The following ESPN variants were observed in gnomAD, a reference collection of about 807,000 sequenced individuals.
ESPN encodes espin.
In ESPN, 68 loss-of-function variants were observed where a neutral mutation model predicts 77.7. The ratio of observed to expected loss-of-function variants is 0.87; its 90% CI spans 0.72 to 1.07. The LOEUF (loss-of-function observed/expected upper bound fraction) is 1.07. Ranked by LOEUF, ESPN falls within the 50% of genes least tolerant of loss-of-function variation. The pLI is 0.00. For synonymous variants in ESPN, 449 were observed against 567.1 expected (o/e 0.79, Z 2.96); for missense variants, 1,060 against 1,239.0 (o/e 0.86, Z 2.17).
intron 2 of ESPN, among the ~76,000 whole-genome samples, chr1:6,429,645 G>A (rs182910266): frequency 4.9e-4 from 75 of 152,352 alleles, no homozygotes; most frequent in African/African-American, 1.6e-3. Flanking sequence ...ACTGGAGGAC[G>A]CTGAGCCCAC....
chr1:6,454,964 C>A, intron 10 of ESPN: 1 of 381,880 alleles, frequency 2.6e-6, no homozygotes, highest in Non-Finnish European at 4.6e-6. Flanking sequence ...TGCAGCATCT[C>A]CGCGCCACCT....
At chr1:6,446,297 C>T (rs1643836996) in intron 7 of ESPN, among the ~76,000 whole-genome samples, 1 of 152,158 alleles carries the variant, frequency 6.6e-6, no homozygotes, top group African/African-American at 2.4e-5. Flanking sequence ...GCCCCCCCAC[C>T]CCCACAGCCC....
At position 6,440,990 on chromosome 1, in the gene ESPN, G is replaced by A. The variant is rs1643617161; in HGVS notation, c.915G>A (p.Gly305=). ...AGCTGGACGTCCGCGACCGCGACGG[G>A]TACACGGCCGCCGACCTGTCGGACT... is the stretch of plus-strand genomic sequence containing the variant. ...GAELDVRDRD[G]YTAADLSDFN... The change falls in exon 5 of 13, where the codon GGG becomes GGA. Residue 305 remains glycine, a synonymous_variant. Coordinates refer to ENST00000645284, the MANE Select transcript of ESPN (RefSeq NM_031475.3). 5 of 1,608,474 alleles carry A rather than the reference G, an allele frequency of 3.1e-6. No individual in the cohort carries two copies. Among genetic ancestry groups the A allele is most frequent in the Admixed American group, 1.7e-5 (1 of 59,588 alleles).
chr1:6,445,146 A>AT (rs953407287), intron 6 of ESPN, among the ~76,000 whole-genome samples: 1 of 152,194 alleles, frequency 6.6e-6, no homozygotes, highest in African/African-American at 2.4e-5. Context: ...ATGCACACAC[A>AT]TTCATCAGTA....
In ESPN at chr1:6,460,156, A is replaced by T. The variant is rs773552273; in HGVS notation, c.*10A>T. 6.2e-7 allele frequency: 1 copy of T among 1,606,232 alleles called. No homozygotes were observed. The highest frequency in any genetic ancestry group is 1.1e-5 in the South Asian group (1 of 90,816). ...CATCGCTAAGTACTAGAGGCCGCAG[A>T]CTCCTGTCCGCAGCCTCGCAGCTCC... On this transcript the variant is annotated 3_prime_UTR_variant, in exon 13 of 13. Transcript: ENST00000645284.
At chr1:6,456,858 A>G (rs1345449970) in intron 10 of ESPN, among the ~76,000 whole-genome samples, 1 of 152,198 alleles carries the variant, frequency 6.6e-6, no homozygotes, top group Admixed American at 6.5e-5. Context: ...GCGTCTGCCC[A>G]GAGGTCTTGG....
chr1:6,455,476 T>G (rs1439327732), intron 10 of ESPN: 1 of 397,266 alleles, frequency 2.5e-6, no homozygotes, highest in Non-Finnish European at 4.4e-6. Context: ...CTGCGGCAGC[T>G]GCTGAGGCAG....
In ESPN at chr1:6,449,111, G is replaced by A. The variant is rs775960755; in HGVS notation, c.1915+20G>A. 420 of 1,460,360 alleles carry A rather than the reference G, an allele frequency of 2.9e-4. 4 individuals are homozygous for A. The highest frequency in any genetic ancestry group is 1.2e-4 in the Non-Finnish European group (139 of 1,114,266). The allele number at this position is 1,460,360 out of a possible 1,614,324, so 90.5% of individuals were successfully genotyped here. ...CCGGCAGTGAGTAGGGGCAGGTTGA[G>A]GGGCGTGGGGCGGCGCTAGCCCTGA... On this transcript the variant is annotated intron_variant, in intron 8 of 12. Coordinates refer to ENST00000645284, the MANE Select transcript of ESPN (RefSeq NM_031475.3).
chr1:6,461,215 G>C, downstream of ESPN: 1 of 730,660 alleles, frequency 1.4e-6, no homozygotes, highest in Non-Finnish European at 2.5e-6. The surrounding 1 kb of genome is among the most constrained non-coding windows in gnomAD (Gnocchi z 6.3). Flanking sequence ...CTCCGGCCGA[G>C]AAGTTGAGAA....
intron 10 of ESPN, among the ~76,000 whole-genome samples, chr1:6,453,441 G>A (rs1293525105): frequency 2.0e-5 from 3 of 152,388 alleles, no homozygotes; most frequent in Admixed American, 1.3e-4. Flanking sequence ...GGGCTGGGGG[G>A]CGTGTTAGGG....
chr1:6,450,073 G>A lies in ESPN; in HGVS notation c.1915+982G>A, dbSNP rs1334298096. ...CTCCTTCTTCCCTCCACAGCCTGCA[G>A]CAGGGCTGAAGCTAAGGGCAGAGAA... On this transcript the variant is annotated intron_variant, in intron 8 of 12. Coordinates refer to ENST00000645284, the MANE Select transcript of ESPN (RefSeq NM_031475.3). The surrounding 1 kb of genome is among the most constrained non-coding windows in gnomAD (Gnocchi z 4.3). 6.6e-6 allele frequency among the ~76,000 whole-genome samples: 1 copy of A among 152,188 alleles called. No individual in the cohort carries two copies. The highest frequency in any genetic ancestry group is 1.5e-5 in the Non-Finnish European group (1 of 68,032).
At chr1:6,455,030 G>T (rs945875309) in intron 10 of ESPN, 6 of 378,338 alleles carry the variant, frequency 1.6e-5, no homozygotes, top group Non-Finnish European at 2.8e-5. Context: ...GCAAGCCCCC[G>T]CAGTCCGCTG....
intron 2 of ESPN, among the ~76,000 whole-genome samples, chr1:6,436,951 G>C (rs541043301): frequency 6.6e-6 from 1 of 152,032 alleles, no homozygotes; most frequent in African/African-American, 2.4e-5. Flanking sequence ...TCTGCCCCAT[G>C]TTCTGGGGTA....
chr1:6,449,613 T>G (rs1354799018), intron 8 of ESPN, among the ~76,000 whole-genome samples: 1 of 152,178 alleles, frequency 6.6e-6, no homozygotes, highest in Non-Finnish European at 1.5e-5. Context: ...GAAGTCTTCT[T>G]AGATATGCCA....
chr1:6,446,028 T>C (rs369746115), intron 7 of ESPN, 93 bp downstream of exon 7: 34 of 1,308,934 alleles, frequency 2.6e-5, no homozygotes, highest in South Asian at 6.3e-5. Flanking sequence ...CTAGTGGGCA[T>C]AGGGTGGGGA....
chr1:6,433,291 A>G (rs1643318380), intron 2 of ESPN, among the ~76,000 whole-genome samples: 1 of 149,768 alleles, frequency 6.7e-6, no homozygotes, highest in African/African-American at 2.5e-5. Flanking sequence ...AAAAAATACA[A>G]AAATTAGCCG....
In ESPN at chr1:6,457,275, G is replaced by A. The variant is rs876657462; in HGVS notation, c.2405+12G>A. 1.5e-5 allele frequency: 25 copies of A among 1,614,076 alleles called. No individual in the cohort carries two copies. Among genetic ancestry groups the A allele is most frequent in the Non-Finnish European group, 2.0e-5 (24 of 1,180,006 alleles). ...CTGGAAGAAGAGAGGTGAGCTGGGG[G>A]TCAGGCAGAGGCTGGCCTGGCAGGG... On this transcript the variant is annotated intron_variant, in intron 11 of 12. Transcript: ENST00000645284.
At position 6,428,370 on chromosome 1, in the gene ESPN, G is replaced by A. The variant is rs727504727; in HGVS notation, c.439G>A (p.Ala147Thr). 10 of 1,612,788 alleles carry A rather than the reference G, an allele frequency of 6.2e-6. No homozygotes were observed. The highest frequency in any genetic ancestry group is 5.0e-5 in the Admixed American group (3 of 59,980). Residue 147 changes from alanine to threonine, a missense_variant, in exon 2 of 13, where the codon GCC becomes ACC. Transcript: ENST00000645284. This position sits in a 1 kb window ranked among gnomAD's most constrained non-coding sequence, Gnocchi z 5.4. ...CGCCCTGCCTATCCACTACGCTGCC[G>A]CCAAAGGAGACTTCCCCTCCCTGAG... is the stretch of plus-strand genomic sequence containing the variant. ...MGALPIHYAA[A>T]KGDFPSLRLL... is the part of the protein sequence containing the mutation.
chr1:6,440,866 C>T lies in ESPN; in HGVS notation c.858+58C>T, dbSNP rs1643611012. 4 of 1,506,190 alleles carry T rather than the reference C, an allele frequency of 2.7e-6. No individual in the cohort carries two copies. The Admixed American group carries it at 8.9e-5, about 33-fold the overall frequency. The allele number at this position is 1,506,190 out of a possible 1,614,324, so 93.3% of individuals were successfully genotyped here. On this transcript the variant is annotated intron_variant, in intron 4 of 12. Transcript: ENST00000645284. ...CTCTGCTGGCACCGCGCTTTCAGCA[C>T]GGCCCTGCCCGGGCGCGGGGGTCCC...
Sources: allele counts gnomAD v4.1 joint callset (sites outside exome capture counted in the v4.1 genomes callset), GRCh38; gene constraint gnomAD v4.1.1; non-coding constraint Gnocchi (gnomAD v3.1); transcripts MANE v1.5; gene names NCBI Gene and HGNC (gene_info 2026-07-23, HGNC 2026-07-21).